FBXW11: variants seen among roughly 807,000 people sequenced by gnomAD.
The protein encoded by FBXW11 is F-box/WD repeat-containing protein 11.
Under a neutral mutation model 77.6 loss-of-function variants are expected in FBXW11, and 19 were observed. The observed-to-expected ratio is 0.24, with a 90% CI of 0.17 to 0.36. FBXW11 has a LOEUF of 0.36. Ranked by LOEUF, FBXW11 falls within the 10% of genes least tolerant of loss-of-function variation. The probability of loss-of-function intolerance (pLI) is 1.00; values close to 1 mark genes in which losing one functional copy is unlikely to be tolerated. For missense variants in FBXW11, 334 were observed against 704.2 expected (o/e 0.47, Z 5.95); for synonymous variants, 235 against 249.4 (o/e 0.94, Z 0.54).
intron 2 of FBXW11, among the ~76,000 whole-genome samples, chr5:171,940,278 A>T (rs1160710163): frequency 6.6e-6 from 1 of 152,254 alleles, no homozygotes; most frequent in Non-Finnish European, 1.5e-5. Context: ...CTGTGAGACT[A>T]GACTAGAATT....
chr5:171,943,977 C>T (rs961586344), intron 2 of FBXW11, among the ~76,000 whole-genome samples: 2 of 152,258 alleles, frequency 1.3e-5, no homozygotes, highest in South Asian at 2.1e-4. Context: ...TATGATGTAT[C>T]TCCTGGAAAT....
chr5:171,904,441 T>G lies in FBXW11; in HGVS notation c.437-4341A>C, dbSNP rs1414981382. ...GGTGGTCTATAAGCCTGTGTGGTTG[T>G]ATCTGACTCAACTCAGGGTTACTGA... On this transcript the variant is annotated intron_variant, in intron 4 of 13. Transcript: ENST00000517395. The surrounding 1 kb of genome is among the most constrained non-coding windows in gnomAD (Gnocchi z 4.0). Among the ~76,000 whole-genome samples the G allele has an allele frequency of 1.3e-5, 2 of 152,170 alleles. No homozygotes were observed. The highest frequency in any genetic ancestry group is 2.9e-5 in the Non-Finnish European group (2 of 68,028).
intron 13 of FBXW11, 104 bp downstream of exon 13, chr5:171,868,506 G>C (rs1260542889): frequency 7.8e-6 from 7 of 893,990 alleles, no homozygotes; most frequent in African/African-American, 6.7e-5. Flanking sequence ...ACGTCTAAGA[G>C]AGACCTTGGT....
At chr5:171,988,148 A>C (rs1250277508) in intron 1 of FBXW11, among the ~76,000 whole-genome samples, 1 of 152,128 alleles carries the variant, frequency 6.6e-6, no homozygotes, top group Non-Finnish European at 1.5e-5. Context: ...TTTTAAACAT[A>C]TTTCTTAGTT....
intron 1 of FBXW11, among the ~76,000 whole-genome samples, chr5:171,984,222 A>G (rs1765308814): frequency 1.3e-5 from 2 of 152,270 alleles, no homozygotes; most frequent in Non-Finnish European, 2.9e-5. Flanking sequence ...AAAGGTCTAT[A>G]ATTTGATCTA....
intron 3 of FBXW11, among the ~76,000 whole-genome samples, chr5:171,912,329 A>AG (rs1760930990): frequency 6.6e-6 from 1 of 152,172 alleles, no homozygotes; most frequent in South Asian, 2.1e-4. Context: ...AGGTACCACC[A>AG]GGGGGAAGCA....
chr5:171,868,825 A>C, intron 12 of FBXW11, 29 bp from the exon 13 acceptor site: 1 of 1,597,780 alleles, frequency 6.3e-7, no homozygotes, highest in Non-Finnish European at 8.5e-7. Flanking sequence ...CATGAATAAA[A>C]TGAGATCTTT....
At chr5:171,978,333 C>A (rs1309220066) in intron 1 of FBXW11, among the ~76,000 whole-genome samples, 1 of 152,158 alleles carries the variant, frequency 6.6e-6, no homozygotes, top group African/African-American at 2.4e-5. Context: ...ACTACATTGG[C>A]ACTTGAAACC....
chr5:171,918,564 C>T (rs776983745), intron 2 of FBXW11, among the ~76,000 whole-genome samples: 1 of 152,202 alleles, frequency 6.6e-6, no homozygotes, highest in Non-Finnish European at 1.5e-5. Flanking sequence ...AGTTTACTTT[C>T]TACCCTTCTC....
chr5:171,909,214 G>A (rs1760728093), intron 4 of FBXW11, among the ~76,000 whole-genome samples: 1 of 152,320 alleles, frequency 6.6e-6, no homozygotes, highest in East Asian at 1.9e-4. Context: ...TCAGGAGGCT[G>A]AGGTAGGAGT....
chr5:171,989,821 GATATT>G (rs1765635481), intron 1 of FBXW11, among the ~76,000 whole-genome samples: 1 of 152,156 alleles, frequency 6.6e-6, no homozygotes, highest in African/African-American at 2.4e-5. Flanking sequence ...ATTGATGCTT[GATATT>G]ATATTATGGA....
At chr5:171,957,573 TACA>T in intron 2 of FBXW11, 21 bp downstream of exon 2, 1 of 1,596,212 alleles carries the variant, frequency 6.3e-7, no homozygotes, top group South Asian at 1.1e-5. Flanking sequence ...AAAACACATT[TACA>T]ACAAGAAAGA....
At chr5:171,934,676 C>CAAAA (rs34077162) in intron 2 of FBXW11, among the ~76,000 whole-genome samples, 1 of 69,206 alleles carries the variant, frequency 1.4e-5, no homozygotes, top group Non-Finnish European at 2.9e-5. Flanking sequence ...GACCCTGTCT[C>CAAAA]AAAAAAAAAA....
At chr5:171,894,831 C>G (rs1282740389) in intron 6 of FBXW11, among the ~76,000 whole-genome samples, 8 of 152,076 alleles carry the variant, frequency 5.3e-5, no homozygotes, top group Admixed American at 3.9e-4. Flanking sequence ...TCTACTCCCT[C>G]AAAACCACTG....
intron 4 of FBXW11, among the ~76,000 whole-genome samples, chr5:171,901,291 T>A (rs942889727): frequency 1.3e-5 from 2 of 152,234 alleles, no homozygotes; most frequent in Admixed American, 6.5e-5. Flanking sequence ...AGTAGTATAA[T>A]AGCACTAAAC....
intron 1 of FBXW11, among the ~76,000 whole-genome samples, chr5:171,973,160 T>C (rs1377756786): frequency 6.6e-6 from 1 of 152,188 alleles, no homozygotes. Flanking sequence ...TGAACTTGAA[T>C]CTAACCAGCC....
chr5:171,885,322 G>A (rs1164411392), intron 7 of FBXW11, among the ~76,000 whole-genome samples: 1 of 152,218 alleles, frequency 6.6e-6, no homozygotes, highest in Non-Finnish European at 1.5e-5. Flanking sequence ...GTGTGGTGGG[G>A]AGCCTGATGA....
chr5:171,957,991 T>C (rs1275935760), intron 1 of FBXW11, among the ~76,000 whole-genome samples: 1 of 152,046 alleles, frequency 6.6e-6, no homozygotes, highest in Non-Finnish European at 1.5e-5. Context: ...CTGTGAAAGT[T>C]TGAGTGCAAA....
chr5:171,969,805 G>A (rs1263982626), intron 1 of FBXW11, among the ~76,000 whole-genome samples: 1 of 152,150 alleles, frequency 6.6e-6, no homozygotes, highest in Non-Finnish European at 1.5e-5. Flanking sequence ...AGGTTCAAGT[G>A]ATTCTCATGC....
Sources: allele counts gnomAD v4.1 joint callset (sites outside exome capture counted in the v4.1 genomes callset), GRCh38; gene constraint gnomAD v4.1.1; non-coding constraint Gnocchi (gnomAD v3.1); transcripts MANE v1.5; gene names NCBI Gene and HGNC (gene_info 2026-07-23, HGNC 2026-07-21).